The following HSPD1 variants were observed in gnomAD, a reference collection of about 807,000 sequenced individuals.
The protein encoded by HSPD1 is 60 kDa heat shock protein, mitochondrial.
HSPD1 carries 3 observed loss-of-function variants against 53.0 expected under a neutral mutation model. The observed-to-expected ratio is 0.06, with a 90% confidence interval of 0.03 to 0.15. HSPD1 has a LOEUF of 0.15. Ranked by LOEUF, HSPD1 falls within the 10% of genes least tolerant of loss-of-function variation. The probability of loss-of-function intolerance (pLI) is 1.00; values close to 1 mark genes in which losing one functional copy is unlikely to be tolerated. For missense variants in HSPD1, 431 were observed against 694.1 expected, an observed-to-expected ratio of 0.62 and a Z score of 4.26; for synonymous variants, 200 against 228.0, an observed-to-expected ratio of 0.88 and a Z score of 1.10.
At chr2:197,497,044 A>C (rs1399129270) in intron 3 of HSPD1, 96 bp downstream of exon 3, 1 of 1,227,592 alleles carries the variant, frequency 8.1e-7, no homozygotes, top group East Asian at 2.3e-5. Flanking sequence ...GAGAAGGATT[A>C]ATTTCCTCAA....
At chr2:197,495,469 G>T in intron 3 of HSPD1, 93 bp from the exon 4 acceptor site, 1 of 935,194 alleles carries the variant, frequency 1.1e-6, no homozygotes, top group Non-Finnish European at 1.7e-6. Flanking sequence ...ATATTTTAAT[G>T]CCTTAACTTA....
At chr2:197,497,083 C>A in intron 3 of HSPD1, 57 bp downstream of exon 3, 2 of 1,544,946 alleles carry the variant, frequency 1.3e-6, no homozygotes, top group South Asian at 2.2e-5. Context: ...TCCAAGGAAT[C>A]AATGCCTTAA....
chr2:197,495,488 AATT>A (rs2086146520), intron 3 of HSPD1, 112 bp from the exon 4 acceptor site: 69 of 790,850 alleles, frequency 8.7e-5, no homozygotes, highest in South Asian at 5.6e-4. Context: ...TAAAAAAAAA[AATT>A]TTTTTTTTTT....
At chr2:197,492,560 T>C (rs1317439160) in intron 7 of HSPD1, among the ~76,000 whole-genome samples, 1 of 151,968 alleles carries the variant, frequency 6.6e-6, no homozygotes, top group Non-Finnish European at 1.5e-5. Context: ...ATTTACATAT[T>C]TTTAACCAGA....
chr2:197,488,783 G>A (rs1204809456), intron 9 of HSPD1, among the ~76,000 whole-genome samples: 2 of 152,164 alleles, frequency 1.3e-5, no homozygotes, highest in African/African-American at 2.4e-5. Flanking sequence ...CAGGAGATTC[G>A]CTTGAACCCA....
chr2:197,495,478 T>A, intron 3 of HSPD1, 102 bp from the exon 4 acceptor site: 3 of 758,632 alleles, frequency 4.0e-6, no homozygotes, highest in Non-Finnish European at 6.5e-6. Flanking sequence ...TGCCTTAACT[T>A]AAAAAAAAAA....
chr2:197,494,506 C>T, intron 5 of HSPD1, 151 bp downstream of exon 5: 1 of 656,452 alleles, frequency 1.5e-6, no homozygotes. Flanking sequence ...TTATTCTATA[C>T]ATGTGCTGAG....
At position 197,489,348 on chromosome 2, in the gene HSPD1, T is replaced by C. The variant is rs1045994497; in HGVS notation, c.970-101A>G. On this transcript the variant is annotated intron_variant, in intron 8 of 11. Transcript: ENST00000388968. ...GCAAGAGAATCATCAAAATACTTTA[T>C]TTCTTTGAAATGAGAGATTTTAAGA... 36 of 1,240,752 alleles carry C rather than the reference T, an allele frequency of 2.9e-5. No individual in the cohort carries two copies. The African/African-American group carries it at 5.1e-4, about 17-fold the overall frequency. The allele number at this position is 1,240,752 out of a possible 1,614,324, so 76.9% of individuals were successfully genotyped here.
chr2:197,492,321 C>G (rs997142850), intron 7 of HSPD1, among the ~76,000 whole-genome samples: 2 of 152,074 alleles, frequency 1.3e-5, no homozygotes, highest in African/African-American at 4.8e-5. Context: ...CTCTGAGTAG[C>G]TGGGATTACA....
At chr2:197,492,785 G>C (rs1264100189) in intron 7 of HSPD1, among the ~76,000 whole-genome samples, 2 of 151,608 alleles carry the variant, frequency 1.3e-5, no homozygotes, top group African/African-American at 4.8e-5. Context: ...GCTGAGGCGG[G>C]CGGATCACGA....
intron 5 of HSPD1, 143 bp downstream of exon 5, chr2:197,494,514 G>C: frequency 1.5e-6 from 1 of 664,500 alleles, no homozygotes; most frequent in South Asian, 1.8e-5. Context: ...TACATGTGCT[G>C]AGACTACATA....
chr2:197,490,699 A>G, intron 7 of HSPD1: 1 of 249,578 alleles, frequency 4.0e-6, no homozygotes, highest in South Asian at 4.9e-5. Context: ...ATGTGGTAGC[A>G]GGCACCTGTA....
chr2:197,490,646 T>C lies in HSPD1; in HGVS notation c.870-350A>G, dbSNP rs542995536. 1.9e-3 allele frequency: 571 copies of C among 299,752 alleles called. 3 individuals carry two copies. The highest frequency in any genetic ancestry group is 4.9e-3 in the Middle Eastern group (4 of 812). 18.6% of individuals were successfully genotyped at this position (299,752 alleles called of 1,614,324 possible). Reference sequence around the variant, plus strand: ...GAGTTCGAGACCAGCCTGGCCAAGATGGTGAAACCCTGTCTCTACTGAAAA... The same window carrying C: ...GAGTTCGAGACCAGCCTGGCCAAGACGGTGAAACCCTGTCTCTACTGAAAA... On this transcript the variant is annotated intron_variant, in intron 7 of 11. Coordinates refer to ENST00000388968, the MANE Select transcript of HSPD1 (RefSeq NM_002156.5).
chr2:197,499,026 G>C, intron 1 of HSPD1, 176 bp from the exon 2 acceptor site: 1 of 683,850 alleles, frequency 1.5e-6, no homozygotes, highest in East Asian at 2.7e-5. Flanking sequence ...AGCCACTAGC[G>C]CAAGCTAAAG....
intron 1 of HSPD1, chr2:197,499,229 G>C (rs2086203932): frequency 5.7e-6 from 2 of 349,000 alleles, no homozygotes; most frequent in Admixed American, 9.0e-5. Context: ...ACAAATCCAA[G>C]TGACCAGGGA....
chr2:197,495,470 C>T (rs761387553), intron 3 of HSPD1, 94 bp from the exon 4 acceptor site: 1 of 935,904 alleles, frequency 1.1e-6, no homozygotes, highest in Non-Finnish European at 1.7e-6. Flanking sequence ...TATTTTAATG[C>T]CTTAACTTAA....
intron 9 of HSPD1, 138 bp downstream of exon 9, chr2:197,488,864 A>G: frequency 9.4e-7 from 1 of 1,059,810 alleles, no homozygotes; most frequent in South Asian, 1.3e-5. Context: ...AGCTCAAAAC[A>G]AAACAAACAA....
chr2:197,498,687 T>G lies in HSPD1; in HGVS notation c.162A>C (p.Thr54=), dbSNP rs1559304375. 1 of 1,614,010 alleles carries G rather than the reference T, an allele frequency of 6.2e-7. No individual in the cohort carries two copies. The highest frequency in any genetic ancestry group is 2.2e-5 in the East Asian group (1 of 44,890). The change falls in exon 2 of 12, where the codon ACA becomes ACC. Residue 54 remains threonine (T), a synonymous_variant. Transcript: ENST00000388968. ...AAAATACTGGTACCTTTGGCCCCAT[T>G]GTAACGGCCACAGCATCGGCTAAAA... ...VDLLADAVAV[T]MGPKGRTVII...
At chr2:197,492,812 C>T (rs537229936) in intron 7 of HSPD1, among the ~76,000 whole-genome samples, 1 of 151,662 alleles carries the variant, frequency 6.6e-6, no homozygotes, top group South Asian at 2.1e-4. Context: ...GAGTTTGAGA[C>T]CAGCCTGGCC....
Sources: gnomAD v4.1 joint callset for allele counts (sites outside exome capture counted in the v4.1 genomes callset) on GRCh38, gnomAD v4.1.1 for gene constraint, MANE v1.5 for transcripts, NCBI Gene and HGNC (gene_info 2026-07-23, HGNC 2026-07-21) for gene names.